DDOST: variants seen among roughly 807,000 people sequenced by gnomAD.
DDOST encodes dolichyl-diphosphooligosaccharide--protein glycosyltransferase non-catalytic subunit, also known as dolichyl-diphosphooligosaccharide--protein glycosyltransferase 48 kDa subunit.
A neutral mutation model predicts 47.6 loss-of-function variants in DDOST; 25 were observed. That is an observed-to-expected ratio of 0.53 (90% CI 0.38 to 0.73). The LOEUF is 0.73. Among genes scored for constraint, DDOST ranks in the 30% least tolerant of loss-of-function variants. DDOST has a pLI of 0.00. For missense variants in DDOST, 526 were observed against 573.9 expected (o/e 0.92, Z 0.85); for synonymous variants, 275 against 236.0 (o/e 1.17, Z -1.51).
rs1320391292 is a variant in DDOST, at chr1:20,661,020, A to C, written c.155-29T>G. The C allele has an allele frequency of 2.6e-6, 4 of 1,563,210 alleles. No homozygotes were observed. The African/African-American group carries it at 4.1e-5, about 16-fold the overall frequency. ...GACAAGAAAAAACAGGTAGTTGAGG[A>C]AGACGGGACGCGAAGGGAAACCCCT... On this transcript the variant is annotated intron_variant, in intron 1 of 10. Transcript: ENST00000602624.
chr1:20,657,597 C>T (rs1040136206), intron 2 of DDOST, among the ~76,000 whole-genome samples: 3 of 152,146 alleles, frequency 2.0e-5, no homozygotes, highest in Admixed American at 6.5e-5. Context: ...ACCGGAAGGA[C>T]GGACATGCCA....
chr1:20,660,859 A>G (rs746007450), intron 2 of DDOST, 22 bp downstream of exon 2: 5 of 1,431,244 alleles, frequency 3.5e-6, no homozygotes, highest in African/African-American at 1.4e-5. Context: ...TTCCAGTGCT[A>G]GGGGCGACGC....
Position 20,656,203 on chromosome 1 carries a change from A to G in DDOST, c.266-16T>C. ...CCTCCAAAATCTGAAAGCAGGCACC[A>G]GACACAGTGACCCAGAGGTCTCCTC... is the stretch of plus-strand genomic sequence containing the variant. On this transcript the variant is annotated splice_polypyrimidine_tract_variant and intron_variant, in intron 2 of 10. Transcript: ENST00000602624. The G allele has an allele frequency of 6.2e-7, 1 of 1,609,024 alleles. No individual in the cohort carries two copies. The highest frequency in any genetic ancestry group is 1.1e-5 in the South Asian group (1 of 90,986).
In DDOST at chr1:20,655,426, G is replaced by C. The variant is rs1406058226; in HGVS notation, c.551+14C>G. ...CCCAGGTTTCTGCTGTCCTCTCCCT[G>C]CTCACTCACTCACCCAACACCTCGA... On this transcript the variant is annotated intron_variant, in intron 5 of 10. Transcript: ENST00000602624. 3.8e-6 allele frequency: 6 copies of C among 1,598,242 alleles called. No individual in the cohort carries two copies. The highest frequency in any genetic ancestry group is 1.7e-4 in the Middle Eastern group (1 of 5,998).
chr1:20,657,855 C>T (rs2053391908), intron 2 of DDOST, among the ~76,000 whole-genome samples: 2 of 152,216 alleles, frequency 1.3e-5, no homozygotes, highest in African/African-American at 2.4e-5. Context: ...CAGTCTTGGA[C>T]ATTCCAAAAG....
At chr1:20,657,989 G>GC (rs1553147797) in intron 2 of DDOST, among the ~76,000 whole-genome samples, 1 of 41,352 alleles carries the variant, frequency 2.4e-5, no homozygotes, top group Non-Finnish European at 6.5e-5. Flanking sequence ...ATGGGCAGAG[G>GC]CCCGGGTGCT....
Position 20,655,481 on chromosome 1 carries a change from A to G in DDOST, c.510T>C (p.Val170=), listed in dbSNP as rs759393357. The change falls in exon 5 of 11, where the codon GTT becomes GTC. Residue 170 remains valine (V), a synonymous_variant. Coordinates refer to ENST00000602624, the MANE Select transcript of DDOST (RefSeq NM_005216.5). ...TENLLKAPTI[V]GKSSLNPILF... The stretch of plus-strand genomic sequence containing the variant: ...GGATGGGATTTAGAGATGATTTCCC[A>G]ACGATGGTTGGGGCCTTCAGCAGGT... 6.2e-7 allele frequency: 1 copy of G among 1,613,910 alleles called. No homozygotes were observed. Among genetic ancestry groups the G allele is most frequent in the East Asian group, 2.2e-5 (1 of 44,852 alleles).
At position 20,660,978 on chromosome 1, in the gene DDOST, C is replaced by T. The variant is rs747449468; in HGVS notation, c.168G>A (p.Glu56=). The T allele has an allele frequency of 5.6e-6, 9 of 1,613,114 alleles. No homozygotes were observed. Among genetic ancestry groups the T allele is most frequent in the Non-Finnish European group, 6.8e-6 (8 of 1,179,122 alleles). The change falls in exon 2 of 11, where the codon GAG becomes GAA. Residue 56 remains glutamate (E), a synonymous_variant. Transcript: ENST00000602624. ...GGTCATCAGCGGTCTTGAATGTGAG[C>T]TCAAAGCCCCGGTCTGGACAAGAAA... The part of the protein sequence containing the change: ...FFRSLKDRGF[E]LTFKTADDPS...
In DDOST at chr1:20,651,801, T is replaced by TTTTTTTTTTTTATTTATTTATTTA. The variant is rs886045853; in HGVS notation, c.*577_*578insTAAATAAATAAATAAAAAAAAAAA. ...GTTTGAGGGCAACATCTCGCTTTAT[T>TTTTTTTTTTTTATTTATTTATTTA]TTTATTTATTTATTTATTTATTTAT... On this transcript the variant is annotated 3_prime_UTR_variant, in exon 11 of 11. Transcript: ENST00000602624. 4.6e-4 allele frequency: 67 copies of TTTTTTTTTTTTATTTATTTATTTA among 147,208 alleles called. No individual in the cohort carries two copies. The highest frequency in any genetic ancestry group is 1.3e-3 in the South Asian group (6 of 4,512). 9.1% of individuals were successfully genotyped at this position (147,208 alleles called of 1,614,324 possible). A position where few individuals can be genotyped will look rare whatever the true frequency, so the allele number is the denominator to read the frequency against.
At chr1:20,655,565 C>A in intron 4 of DDOST, 31 bp from the exon 5 acceptor site, 2 of 1,608,556 alleles carry the variant, frequency 1.2e-6, no homozygotes, top group South Asian at 2.2e-5. Flanking sequence ...GGTGGGTGGT[C>A]AGGAAAAGGT....
At chr1:20,659,538 A>G (rs927684078) in intron 2 of DDOST, among the ~76,000 whole-genome samples, 3 of 152,186 alleles carry the variant, frequency 2.0e-5, no homozygotes, top group Admixed American at 6.5e-5. Flanking sequence ...TACCTATTTC[A>G]AAGTTTCAAA....
At chr1:20,657,162 G>T (rs114064849) in intron 2 of DDOST, among the ~76,000 whole-genome samples, 2 of 152,218 alleles carry the variant, frequency 1.3e-5, no homozygotes, top group African/African-American at 2.4e-5. Flanking sequence ...GTCCCCGAGG[G>T]GGGTGGGCAC....
chr1:20,655,330 C>T, intron 5 of DDOST, 110 bp downstream of exon 5: 2 of 767,264 alleles, frequency 2.6e-6, no homozygotes, highest in Non-Finnish European at 4.5e-6. Context: ...CAAATTAATC[C>T]CATCTACGTA....
intron 2 of DDOST, among the ~76,000 whole-genome samples, chr1:20,656,443 A>G (rs1570416248): frequency 6.6e-6 from 1 of 152,358 alleles, no homozygotes; most frequent in East Asian, 1.9e-4. Context: ...TCAAACATCC[A>G]CTAATTGCAC....
chr1:20,653,868 C>A, intron 7 of DDOST, 94 bp from the exon 8 acceptor site: 1 of 1,457,206 alleles, frequency 6.9e-7, no homozygotes. Context: ...ATGACAGTAC[C>A]CTAGCGAAGT....
chr1:20,654,159 GTCC>G, intron 7 of DDOST, 61 bp downstream of exon 7: 1 of 1,522,538 alleles, frequency 6.6e-7, no homozygotes, highest in African/African-American at 1.4e-5. Flanking sequence ...CCCCTTCTGA[GTCC>G]TCCCCATATA....
intron 2 of DDOST, among the ~76,000 whole-genome samples, chr1:20,658,518 C>T (rs899584057): frequency 1.3e-5 from 2 of 152,256 alleles, no homozygotes; most frequent in Non-Finnish European, 2.9e-5. Context: ...AACGCGAATG[C>T]GGGAACCGGG....
chr1:20,654,763 T>C (rs1018355770), intron 5 of DDOST, 56 bp from the exon 6 acceptor site: 1 of 1,221,338 alleles, frequency 8.2e-7, no homozygotes, highest in Non-Finnish European at 1.2e-6. Flanking sequence ...CCCAAGGACA[T>C]GGGATCCCCG....
At chr1:20,659,440 C>G (rs1486698798) in intron 2 of DDOST, among the ~76,000 whole-genome samples, 3 of 152,172 alleles carry the variant, frequency 2.0e-5, no homozygotes, top group African/African-American at 7.2e-5. Flanking sequence ...TAACTCATTT[C>G]AGGTCTTTAT....
Sources: gnomAD v4.1 joint callset for allele counts (sites outside exome capture counted in the v4.1 genomes callset) on GRCh38, gnomAD v4.1.1 for gene constraint, MANE v1.5 for transcripts, NCBI Gene and HGNC (gene_info 2026-07-23, HGNC 2026-07-21) for gene names.